The following SV2C variants were observed in gnomAD, a reference collection of about 807,000 sequenced individuals.
SV2C encodes solute carrier family 22 member B3.
SV2C carries 49 observed loss-of-function variants against 79.7 expected under a neutral mutation model. The observed-to-expected ratio is 0.61, with a 90% CI of 0.49 to 0.78. The LOEUF is 0.78. Among genes scored for constraint, SV2C ranks in the 30% least tolerant of loss-of-function variants. The pLI is 0.00. For synonymous variants in SV2C, 334 were observed against 333.2 expected (o/e 1.00, Z -0.03); for missense variants, 833 against 912.9 (o/e 0.91, Z 1.13).
At chr5:75,875,791 A>T in the SV2C span, among the ~76,000 whole-genome samples, 1 of 152,114 alleles carries the variant, frequency 6.6e-6, no homozygotes, top group African/African-American at 2.4e-5. Flanking sequence ...TCAAAAGAAG[A>T]TATACATGTG....
intron 1 of SV2C, among the ~76,000 whole-genome samples, chr5:76,093,438 C>T (rs1029752407): frequency 6.6e-6 from 1 of 152,202 alleles, no homozygotes; most frequent in Non-Finnish European, 1.5e-5. Context: ...AAAAGAGCCC[C>T]TAATTAATTG....
chr5:75,866,802 T>C, the SV2C span, among the ~76,000 whole-genome samples: 11 of 152,276 alleles, frequency 7.2e-5, no homozygotes, highest in East Asian at 1.9e-4. Flanking sequence ...GGTTAGTTTC[T>C]AGGCAGAGGA....
the SV2C span, among the ~76,000 whole-genome samples, chr5:76,054,498 G>C: frequency 6.6e-6 from 1 of 152,034 alleles, no homozygotes; most frequent in Non-Finnish European, 1.5e-5. Context: ...TATTCCTTTG[G>C]GTATATACCC....
rs1400811687 is a variant in SV2C, at chr5:76,327,664, C to T, written c.*2117C>T. ...AGCCAGGAGTGCATCTCCATCAACC[C>T]ATCAAAAGAAAAATAGAAATGTACA... is the stretch of plus-strand genomic sequence containing the variant. On this transcript the variant is annotated 3_prime_UTR_variant, in exon 13 of 13. Coordinates refer to ENST00000502798, the MANE Select transcript of SV2C (RefSeq NM_014979.4). The T allele has an allele frequency of 1.3e-5, 2 of 152,194 alleles. No individual in the cohort carries two copies. Among genetic ancestry groups the T allele is most frequent in the African/African-American group, 2.4e-5 (1 of 41,456 alleles). 9.4% of individuals were successfully genotyped at this position (152,194 alleles called of 1,614,324 possible).
intron 2 of SV2C, among the ~76,000 whole-genome samples, chr5:76,139,854 G>GATTTTAAAATATTTCTAAA (rs1749194755): frequency 1.5e-5 from 1 of 64,744 alleles, no homozygotes; most frequent in Non-Finnish European, 4.4e-5. Context: ...GCTCTTGAAA[G>GATTTTAAAATATTTCTAAA]TATTTTTTTT....
chr5:76,253,044 A>G (rs1746160643), intron 4 of SV2C, among the ~76,000 whole-genome samples: 4 of 152,234 alleles, frequency 2.6e-5, no homozygotes, highest in Admixed American at 1.3e-4. Flanking sequence ...GGCTCAATCG[A>G]TAGAGTTTTA....
chr5:76,018,717 A>G, the SV2C span, among the ~76,000 whole-genome samples: 1 of 152,196 alleles, frequency 6.6e-6, no homozygotes. Flanking sequence ...GCCAGAAGGA[A>G]GAGGTTGGGG....
intron 12 of SV2C, among the ~76,000 whole-genome samples, chr5:76,349,727 T>C (rs1272565719): frequency 6.6e-6 from 1 of 150,936 alleles, no homozygotes; most frequent in Non-Finnish European, 1.5e-5. Context: ...TGGACTGCAG[T>C]GGCATAATCA....
intron 1 of SV2C, among the ~76,000 whole-genome samples, chr5:76,107,000 G>C (rs549903645): frequency 1.3e-5 from 2 of 152,054 alleles, no homozygotes; most frequent in Non-Finnish European, 2.9e-5. Flanking sequence ...AGTGTTAAAA[G>C]AATGAACGTA....
chr5:76,061,510 T>G, the SV2C span, among the ~76,000 whole-genome samples: 1 of 152,090 alleles, frequency 6.6e-6, no homozygotes, highest in East Asian at 1.9e-4. Flanking sequence ...TTTGTCACCT[T>G]TATTCCAGCA....
downstream of SV2C, among the ~76,000 whole-genome samples, chr5:76,337,763 CTG>C (rs1749355921): frequency 6.6e-6 from 1 of 152,212 alleles, no homozygotes; most frequent in African/African-American, 2.4e-5. Context: ...CTAGGCTACT[CTG>C]AGAACTGTGG....
the SV2C span, among the ~76,000 whole-genome samples, chr5:76,068,056 A>T: frequency 6.6e-6 from 1 of 152,054 alleles, no homozygotes; most frequent in Non-Finnish European, 1.5e-5. Context: ...TCTTTGGTCC[A>T]TATTTGTATT....
At chr5:75,903,377 T>A in the SV2C span, among the ~76,000 whole-genome samples, 34 of 150,908 alleles carry the variant, frequency 2.3e-4, no homozygotes, top group African/African-American at 7.4e-4. Context: ...GTTTTTTTTT[T>A]TAAAAAAAAA....
the SV2C span, among the ~76,000 whole-genome samples, chr5:75,945,014 AAAT>A: frequency 6.6e-6 from 1 of 152,166 alleles, no homozygotes; most frequent in Non-Finnish European, 1.5e-5. Context: ...AAAATCCAGG[AAAT>A]AATAATCAAC....
intron 12 of SV2C, among the ~76,000 whole-genome samples, chr5:76,343,936 G>A (rs1749489957): frequency 6.6e-6 from 1 of 152,192 alleles, no homozygotes; most frequent in Admixed American, 6.5e-5. Context: ...TGGAAGGATT[G>A]ATTGAGCCCT....
intron 4 of SV2C, among the ~76,000 whole-genome samples, chr5:76,256,503 A>T (rs997887876): frequency 1.3e-5 from 2 of 152,190 alleles, no homozygotes; most frequent in Admixed American, 6.5e-5. Flanking sequence ...GTTTCTGAGA[A>T]CACCCTAGAA....
At chr5:76,083,931 GTACCTGGACCTA>G (rs1747081307) in intron 1 of SV2C, 1 of 152,276 alleles carries the variant, frequency 6.6e-6, no homozygotes, top group East Asian at 1.9e-4. Context: ...CCCGGGCTGG[GTACCTGGACCTA>G]TACCTTCATA....
chr5:75,920,849 AG>A, the SV2C span: 3 of 761,424 alleles, frequency 3.9e-6, no homozygotes, highest in East Asian at 7.4e-5. Flanking sequence ...GCTTGTCCAC[AG>A]GGTGAATCTT....
intron 2 of SV2C, among the ~76,000 whole-genome samples, chr5:76,150,862 A>G (rs902804337): frequency 1.3e-5 from 2 of 149,398 alleles, no homozygotes; most frequent in Admixed American, 1.3e-4. Flanking sequence ...TTGGTCTTGA[A>G]CTCCGAGCCT....
Sources: gnomAD v4.1 joint callset for allele counts (sites outside exome capture counted in the v4.1 genomes callset) on GRCh38, gnomAD v4.1.1 for gene constraint, MANE v1.5 for transcripts, NCBI Gene and HGNC (gene_info 2026-07-23, HGNC 2026-07-21) for gene names.